The following MACROD2 variants were observed in gnomAD, a reference collection of about 807,000 sequenced individuals.
MACROD2 encodes mono-ADP ribosylhydrolase 2.
MACROD2 carries 36 observed loss-of-function variants against 70.4 expected under a neutral mutation model. The ratio of observed to expected loss-of-function variants is 0.51; its 90% confidence interval spans 0.39 to 0.68. MACROD2 has a LOEUF of 0.68. Ranked by LOEUF, MACROD2 falls within the 30% of genes least tolerant of loss-of-function variation. The pLI is 0.00. For missense variants in MACROD2, 496 were observed against 538.4 expected, an observed-to-expected ratio of 0.92 and a Z score of 0.78; for synonymous variants, 172 against 178.8, an observed-to-expected ratio of 0.96 and a Z score of 0.30.
chr20:14,682,906 T>C (rs1290807319), intron 4 of MACROD2, among the ~76,000 whole-genome samples: 4 of 152,060 alleles, frequency 2.6e-5, no homozygotes, highest in Non-Finnish European at 5.9e-5. Context: ...TGAGACGGAG[T>C]TTCACTCTTG....
intron 5 of MACROD2, among the ~76,000 whole-genome samples, chr20:14,867,525 G>A (rs1200593356): frequency 2.0e-5 from 3 of 152,100 alleles, no homozygotes; most frequent in Non-Finnish European, 2.9e-5. Context: ...TAAGCGATGG[G>A]ATTTTGAATT....
At chr20:14,247,119 A>G (rs1410632129) in intron 3 of MACROD2, among the ~76,000 whole-genome samples, 1 of 152,188 alleles carries the variant, frequency 6.6e-6, no homozygotes, top group Admixed American at 6.5e-5. Context: ...TGGCCTCCAG[A>G]TTATTTTGAT....
chr20:14,027,276 A>C (rs2053182871), intron 2 of MACROD2, among the ~76,000 whole-genome samples: 1 of 151,966 alleles, frequency 6.6e-6, no homozygotes. Context: ...TATATGCTTC[A>C]CGAAGTTCTC....
At chr20:14,125,054 A>G (rs2054631486) in intron 3 of MACROD2, among the ~76,000 whole-genome samples, 1 of 152,190 alleles carries the variant, frequency 6.6e-6, no homozygotes, top group Non-Finnish European at 1.5e-5. Flanking sequence ...CCAGACACAA[A>G]AGGTTACATA....
At chr20:14,114,123 A>G (rs1252451129) in intron 3 of MACROD2, among the ~76,000 whole-genome samples, 1 of 152,146 alleles carries the variant, frequency 6.6e-6, no homozygotes, top group Non-Finnish European at 1.5e-5. Flanking sequence ...GAGTACTTAC[A>G]AATTCTCTAA....
chr20:15,105,763 G>A (rs1041316716), intron 5 of MACROD2, among the ~76,000 whole-genome samples: 11 of 152,136 alleles, frequency 7.2e-5, no homozygotes, highest in South Asian at 2.1e-4. Context: ...CCCATGCCAC[G>A]TGCTTGACAT....
intron 2 of MACROD2, among the ~76,000 whole-genome samples, chr20:14,049,580 A>C (rs1864930994): frequency 7.1e-6 from 1 of 141,504 alleles, no homozygotes; most frequent in East Asian, 2.0e-4. Context: ...GTCTCTACTA[A>C]AAAAAAAAAA....
intron 4 of MACROD2, among the ~76,000 whole-genome samples, chr20:14,657,153 A>G (rs1198446698): frequency 6.6e-6 from 1 of 152,216 alleles, no homozygotes; most frequent in Non-Finnish European, 1.5e-5. Context: ...TAATGTACCA[A>G]AGGGCATTTA....
intron 5 of MACROD2, among the ~76,000 whole-genome samples, chr20:15,206,350 G>A (rs1172643959): frequency 6.6e-6 from 1 of 152,028 alleles, no homozygotes; most frequent in African/African-American, 2.4e-5. Flanking sequence ...AAAATCATAG[G>A]TTGGAACTTA....
At position 14,942,895 on chromosome 20, in the gene MACROD2, G is replaced by A. The variant is rs147204378; in HGVS notation, c.418+257936G>A. ...ACTACTTTAACTGATAAAATAATTT[G>A]CAAAGACGGACAGCCATTTCCTTGC... is the stretch of plus-strand genomic sequence containing the variant. On this transcript the variant is annotated intron_variant, in intron 5 of 17. Transcript: ENST00000684519. Among the ~76,000 whole-genome samples the A allele has an allele frequency of 1.1e-4, 16 of 152,226 alleles. No individual in the cohort carries two copies. In the East Asian group the frequency reaches 3.1e-3, roughly 29 times the overall value.
chr20:14,083,968 A>G (rs927987338), intron 2 of MACROD2, among the ~76,000 whole-genome samples: 1 of 148,506 alleles, frequency 6.7e-6, no homozygotes, highest in African/African-American at 2.5e-5. Flanking sequence ...AGGCTGAGGC[A>G]GGAGAATGGT....
chr20:15,544,434 T>A (rs2146574052), intron 8 of MACROD2, among the ~76,000 whole-genome samples: 1 of 152,338 alleles, frequency 6.6e-6, no homozygotes, highest in Middle Eastern at 3.4e-3. Flanking sequence ...GATTAGAATT[T>A]TCAGTGCATG....
intron 8 of MACROD2, among the ~76,000 whole-genome samples, chr20:15,614,590 C>T (rs192226450): frequency 1.3e-5 from 2 of 152,228 alleles, no homozygotes; most frequent in East Asian, 1.9e-4. Context: ...TAAATTTTAA[C>T]GTAAATTGGA....
intron 5 of MACROD2, among the ~76,000 whole-genome samples, chr20:14,724,980 A>G (rs1400638534): frequency 1.3e-5 from 2 of 152,158 alleles, no homozygotes; most frequent in East Asian, 1.9e-4. Flanking sequence ...ATAGTAGTGG[A>G]TTAGATGAGG....
At chr20:15,021,025 CAT>C (rs1343744501) in intron 5 of MACROD2, among the ~76,000 whole-genome samples, 1 of 145,208 alleles carries the variant, frequency 6.9e-6, no homozygotes, top group African/African-American at 2.5e-5. Flanking sequence ...TATGTATACA[CAT>C]GTGCATATAC....
chr20:15,309,718 A>G (rs992513295), intron 6 of MACROD2, among the ~76,000 whole-genome samples: 12 of 152,214 alleles, frequency 7.9e-5, no homozygotes, highest in Admixed American at 3.9e-4. Flanking sequence ...ATAAAATATT[A>G]TAATATTCTA....
intron 6 of MACROD2, among the ~76,000 whole-genome samples, chr20:15,344,568 T>A (rs2078144490): frequency 6.7e-6 from 1 of 149,656 alleles, no homozygotes; most frequent in South Asian, 2.1e-4. Context: ...GAAACAATTA[T>A]TTTTTTTTAT....
At chr20:14,310,012 G>A (rs1026256500) in intron 3 of MACROD2, among the ~76,000 whole-genome samples, 3 of 152,080 alleles carry the variant, frequency 2.0e-5, no homozygotes, top group Admixed American at 1.3e-4. Context: ...TACGTGTGTG[G>A]TGTGAGCATG....
At chr20:15,519,458 G>A (rs998762147) in intron 8 of MACROD2, among the ~76,000 whole-genome samples, 3 of 152,144 alleles carry the variant, frequency 2.0e-5, no homozygotes, top group African/African-American at 7.2e-5. Flanking sequence ...AGGAAACTGA[G>A]GCAGATAGTC....
Sources: gnomAD v4.1 joint callset for allele counts (sites outside exome capture counted in the v4.1 genomes callset) on GRCh38, gnomAD v4.1.1 for gene constraint, MANE v1.5 for transcripts, NCBI Gene and HGNC (gene_info 2026-07-23, HGNC 2026-07-21) for gene names.